PIK3C3: variants seen among roughly 807,000 people sequenced by gnomAD.
PIK3C3 encodes the protein phosphatidylinositol 3-kinase catalytic subunit type 3.
In PIK3C3, 95 loss-of-function variants were observed where a neutral mutation model predicts 126.1. The ratio of observed to expected loss-of-function variants is 0.75; its 90% confidence interval spans 0.64 to 0.89. The LOEUF is 0.89. Among genes scored for constraint, PIK3C3 ranks in the 40% least tolerant of loss-of-function variants. PIK3C3 has a pLI of 0.00. For synonymous variants in PIK3C3, 374 were observed against 360.0 expected, an observed-to-expected ratio of 1.04 and a Z score of -0.44; for missense variants, 829 against 1,063.2, an observed-to-expected ratio of 0.78 and a Z score of 3.06.
chr18:42,031,646 A>G (rs1276895838), intron 15 of PIK3C3, among the ~76,000 whole-genome samples: 1 of 151,972 alleles, frequency 6.6e-6, no homozygotes, highest in Non-Finnish European at 1.5e-5. Context: ...TCTCAAACTG[A>G]CCTCAAGTGA....
chr18:41,992,960 C>G (rs893435654), intron 6 of PIK3C3, among the ~76,000 whole-genome samples: 2 of 152,066 alleles, frequency 1.3e-5, no homozygotes, highest in Non-Finnish European at 2.9e-5. Context: ...TTTTAAAAAT[C>G]CACTGTCATT....
chr18:42,032,756 A>T (rs474605), intron 15 of PIK3C3, among the ~76,000 whole-genome samples: 3 of 151,698 alleles, frequency 2.0e-5, no homozygotes, highest in African/African-American at 7.3e-5. Context: ...AGATCTGACC[A>T]TCCATTTAGT....
intron 2 of PIK3C3, among the ~76,000 whole-genome samples, chr18:41,960,456 A>T: frequency 6.6e-6 from 1 of 152,198 alleles, no homozygotes; most frequent in East Asian, 1.9e-4. Flanking sequence ...AAGTATTTTA[A>T]TCAGATTCGA....
chr18:42,005,394 C>CGA (rs2144385257), intron 10 of PIK3C3, among the ~76,000 whole-genome samples: 1 of 152,254 alleles, frequency 6.6e-6, no homozygotes, highest in South Asian at 2.1e-4. Context: ...ATATGTGGTC[C>CGA]TGTCTTGGCT....
At chr18:42,009,593 T>C (rs1032709894) in intron 10 of PIK3C3, among the ~76,000 whole-genome samples, 27 of 151,106 alleles carry the variant, frequency 1.8e-4, no homozygotes, top group Admixed American at 9.9e-4. Flanking sequence ...GTAGACTACA[T>C]TATGTAATGT....
At chr18:41,969,314 T>G (rs1437507214) in intron 3 of PIK3C3, among the ~76,000 whole-genome samples, 1 of 152,232 alleles carries the variant, frequency 6.6e-6, no homozygotes, top group Admixed American at 6.5e-5. Context: ...TTGAAAATTC[T>G]TGTTCAAAAA....
chr18:41,971,175 A>G (rs1406846513), intron 4 of PIK3C3: 1 of 152,542 alleles, frequency 6.6e-6, no homozygotes, highest in Middle Eastern at 3.2e-3. Context: ...ACTGTGTTAG[A>G]TACTGTTTAA....
At chr18:42,067,664 T>C (rs1985600553) in intron 24 of PIK3C3, 151 bp downstream of exon 24, 1 of 778,032 alleles carries the variant, frequency 1.3e-6, no homozygotes, top group African/African-American at 1.7e-5. Context: ...TGAAGTGAAT[T>C]GTGTTTCACA....
At position 42,046,529 on chromosome 18, in the gene PIK3C3, A is replaced by T. The variant is rs510035; in HGVS notation, c.2188+2712A>T. On this transcript the variant is annotated intron_variant, in intron 20 of 24. Transcript: ENST00000262039. ...AAGTTTTTTTATAAAAACAATTTCA[A>T]GATGTTTTGTATCTCACATGGAATA... Among the ~76,000 whole-genome samples, 526 of 152,246 alleles carry T rather than the reference A, an allele frequency of 3.5e-3. 3 individuals carry two copies. The highest frequency in any genetic ancestry group is 0.011 in the African/African-American group (477 of 41,576).
chr18:41,960,407 AAT>A (rs113532010), intron 2 of PIK3C3, among the ~76,000 whole-genome samples: 4,222 of 152,336 alleles, frequency 0.028, 192 homozygotes, highest in African/African-American at 0.096. Flanking sequence ...AGAGACATAT[AAT>A]ACAATCTAAT....
At chr18:41,965,737 C>T (rs1382587557) in intron 3 of PIK3C3, among the ~76,000 whole-genome samples, 1 of 152,066 alleles carries the variant, frequency 6.6e-6, no homozygotes, top group Non-Finnish European at 1.5e-5. Flanking sequence ...CTCTTGGTGC[C>T]CACTTTATTT....
At position 41,971,947 on chromosome 18, in the gene PIK3C3, A is replaced by G. The variant is rs75191687; in HGVS notation, c.531+1491A>G. 0.011 allele frequency among the ~76,000 whole-genome samples: 1,713 copies of G among 152,070 alleles called. 42 individuals carry two copies. The East Asian group carries it at 0.12, about 11-fold the overall frequency. ...ACATTATTTAGGCTTCTGTTCACCT[A>G]AAAAGTTAGGTTTCTAATTTTTTTC... On this transcript the variant is annotated intron_variant, in intron 4 of 24. Transcript: ENST00000262039.
At chr18:41,956,661 A>G (rs1299594945) in intron 1 of PIK3C3, among the ~76,000 whole-genome samples, 1 of 143,418 alleles carries the variant, frequency 7.0e-6, no homozygotes, top group East Asian at 2.1e-4. Flanking sequence ...GGATCATTTC[A>G]GACATCTATC....
intron 24 of PIK3C3, among the ~76,000 whole-genome samples, 163 bp downstream of exon 24, chr18:42,067,676 G>A (rs560742526): frequency 5.3e-5 from 8 of 152,306 alleles, no homozygotes; most frequent in South Asian, 2.1e-4. Context: ...TGTTTCACAC[G>A]TTACTAATTC....
Position 41,955,455 on chromosome 18 carries a change from C to T in PIK3C3, c.68+96C>T, listed in dbSNP as rs73454593. 9 of 1,039,996 alleles carry T rather than the reference C, an allele frequency of 8.7e-6. 1 individual carries two copies. Among genetic ancestry groups the T allele is most frequent in the Non-Finnish European group, 8.8e-6 (6 of 683,508 alleles). The allele number at this position is 1,039,996 out of a possible 1,614,324, so 64.4% of individuals were successfully genotyped here. On this transcript the variant is annotated intron_variant, in intron 1 of 24. Transcript: ENST00000262039. ...AGTGAGAGGCAGAAAGTACGTGACT[C>T]GTCTCAAGGCCCAGATTGGGGGCGG...
intron 3 of PIK3C3, among the ~76,000 whole-genome samples, chr18:41,964,301 A>G (rs1568111699): frequency 2.6e-5 from 4 of 152,152 alleles, no homozygotes; most frequent in Non-Finnish European, 5.9e-5. Flanking sequence ...GAGAGGCATT[A>G]TAGTGTATAG....
rs753366252 is a variant in PIK3C3, at chr18:41,970,336, C to T, written c.411C>T (p.Arg137=). 8 of 1,613,258 alleles carry T rather than the reference C, an allele frequency of 5.0e-6. No individual in the cohort carries two copies. Among genetic ancestry groups the T allele is most frequent in the East Asian group, 4.5e-5 (2 of 44,876 alleles). The change falls in exon 4 of 25, where the codon CGC becomes CGT. Residue 137 remains arginine (R), a synonymous_variant. Transcript: ENST00000262039. ...TTCTCTTTTTCCCTAGCATGTTTCG[C>T]CAAGGGATGCATGACTTGAAAGTCT... ...VSLFGKYGMF[R]QGMHDLKVWP... is the part of the protein sequence containing the mutation.
At chr18:41,980,532 A>G (rs183734384) in intron 4 of PIK3C3, among the ~76,000 whole-genome samples, 1 of 152,278 alleles carries the variant, frequency 6.6e-6, no homozygotes, top group Admixed American at 6.5e-5. Context: ...ATGTATGTAT[A>G]TTACATTTAC....
At chr18:42,040,646 T>C in intron 18 of PIK3C3, 31 bp from the exon 19 acceptor site, 1 of 1,479,946 alleles carries the variant, frequency 6.8e-7, no homozygotes, top group Non-Finnish European at 9.4e-7. Context: ...CCAGTAGCTA[T>C]GCTTAATGCA....
Sources: allele counts gnomAD v4.1 joint callset (sites outside exome capture counted in the v4.1 genomes callset), GRCh38; gene constraint gnomAD v4.1.1; transcripts MANE v1.5; gene names NCBI Gene and HGNC (gene_info 2026-07-23, HGNC 2026-07-21).